Variants in B3GALT1 observed in about 807,000 individuals in gnomAD.
B3GALT1 encodes UDP-Gal:betaGlcNAc beta 1,3-galactosyltransferase, polypeptide 1.
B3GALT1 carries 10 observed loss-of-function variants against 23.2 expected under a neutral mutation model. The ratio of observed to expected loss-of-function variants is 0.43; its 90% confidence interval spans 0.27 to 0.73. The LOEUF (loss-of-function observed/expected upper bound fraction) is 0.73. B3GALT1 is among the 30% of genes least tolerant of loss of function. The pLI is 0.21. For synonymous variants in B3GALT1, 156 were observed against 141.5 expected, an observed-to-expected ratio of 1.10 and a Z score of -0.73; for missense variants, 299 against 405.4, an observed-to-expected ratio of 0.74 and a Z score of 2.25.
At chr2:167,798,800 G>T (rs376457172) in intron 3 of B3GALT1, among the ~76,000 whole-genome samples, 2 of 152,078 alleles carry the variant, frequency 1.3e-5, no homozygotes, top group African/African-American at 4.8e-5. Context: ...TTTTCAAGAG[G>T]CCATGAAGTA....
intron 3 of B3GALT1, among the ~76,000 whole-genome samples, chr2:167,805,333 T>G (rs986353432): frequency 9.2e-5 from 14 of 152,172 alleles, no homozygotes; most frequent in African/African-American, 2.4e-4. Flanking sequence ...TTAGTTTAAT[T>G]AGATCCCATT....
At chr2:167,632,896 C>T (rs1685475260) in intron 2 of B3GALT1, among the ~76,000 whole-genome samples, 1 of 151,900 alleles carries the variant, frequency 6.6e-6, no homozygotes, top group Non-Finnish European at 1.5e-5. Flanking sequence ...AATGGTATTG[C>T]CTAGGTTTTC....
At chr2:167,787,337 T>G (rs1181425874) in intron 3 of B3GALT1, among the ~76,000 whole-genome samples, 1 of 152,150 alleles carries the variant, frequency 6.6e-6, no homozygotes, top group Non-Finnish European at 1.5e-5. Context: ...TAAAACATGA[T>G]AGCTCCTTAG....
At chr2:167,349,364 G>A (rs1424588440) in intron 1 of B3GALT1, among the ~76,000 whole-genome samples, 4 of 152,106 alleles carry the variant, frequency 2.6e-5, no homozygotes, top group Non-Finnish European at 5.9e-5. Context: ...TTCAGTGCTT[G>A]TGTTTCAAGT....
Position 167,871,191 on chromosome 2 carries a change from G to A in B3GALT1, c.*1171G>A, listed in dbSNP as rs1471912636. 6.6e-6 allele frequency: 1 copy of A among 152,160 alleles called. No homozygotes were observed. Among genetic ancestry groups the A allele is most frequent in the Non-Finnish European group, 1.5e-5 (1 of 68,034 alleles). The allele number at this position is 152,160 out of a possible 1,614,324, so 9.4% of individuals were successfully genotyped here. A position where few individuals can be genotyped will look rare whatever the true frequency, so the allele number is the denominator to read the frequency against. ...CCACCATACTTATTGGGCCATATGA[G>A]TAGGCATCGTAATCTTGTGCTTCAA... On this transcript the variant is annotated 3_prime_UTR_variant, in exon 5 of 5. Transcript: ENST00000392690.
intron 1 of B3GALT1, among the ~76,000 whole-genome samples, chr2:167,457,149 TCA>T (rs774127328): frequency 8.5e-5 from 13 of 152,182 alleles, no homozygotes; most frequent in Non-Finnish European, 1.8e-4. Context: ...TTCTTGTTTA[TCA>T]CAGTCAGTTT....
chr2:167,841,645 TCTC>T (rs976618641), intron 4 of B3GALT1, among the ~76,000 whole-genome samples: 3 of 152,298 alleles, frequency 2.0e-5, no homozygotes, highest in African/African-American at 7.2e-5. Flanking sequence ...GCCTCCCCCT[TCTC>T]CTAAGAGAGT....
At chr2:167,645,652 C>T (rs1685736784) in intron 2 of B3GALT1, among the ~76,000 whole-genome samples, 1 of 150,124 alleles carries the variant, frequency 6.7e-6, no homozygotes, top group African/African-American at 2.5e-5. Context: ...ACTGCAACCT[C>T]TGCCTCCCAG....
At position 167,838,754 on chromosome 2, in the gene B3GALT1, T is replaced by C. The variant is rs554244916; in HGVS notation, c.-230+19961T>C. ...GAGAATTTTAGACCAATATCCTTGA[T>C]GAACATTGATGCAAAAATCCTCAAT... On this transcript the variant is annotated intron_variant, in intron 4 of 4. Transcript: ENST00000392690. Among the ~76,000 whole-genome samples, 3 of 152,396 alleles carry C rather than the reference T, an allele frequency of 2.0e-5. No homozygotes were observed. In the South Asian group the frequency reaches 6.2e-4, roughly 32 times the overall value.
At chr2:167,605,421 C>T (rs570634213) in intron 2 of B3GALT1, among the ~76,000 whole-genome samples, 2 of 152,256 alleles carry the variant, frequency 1.3e-5, no homozygotes, top group Non-Finnish European at 2.9e-5. Context: ...GCTTGGAGTG[C>T]CCATGGTGGC....
intron 4 of B3GALT1, among the ~76,000 whole-genome samples, chr2:167,867,740 G>T (rs1690262480): frequency 6.6e-6 from 1 of 152,054 alleles, no homozygotes; most frequent in Non-Finnish European, 1.5e-5. Flanking sequence ...TGCCTTCCAG[G>T]ACTACCACAT....
At chr2:167,425,773 T>C (rs1698613684) in intron 1 of B3GALT1, among the ~76,000 whole-genome samples, 1 of 152,330 alleles carries the variant, frequency 6.6e-6, no homozygotes, top group African/African-American at 2.4e-5. Context: ...ATCGACTTTG[T>C]ACATGACTTA....
At chr2:167,399,494 T>A (rs1175515416) in intron 1 of B3GALT1, among the ~76,000 whole-genome samples, 1 of 152,152 alleles carries the variant, frequency 6.6e-6, no homozygotes, top group African/African-American at 2.4e-5. Context: ...CTCTTCATTC[T>A]TTTTTCTTTT....
At chr2:167,587,221 A>G (rs1034900364) in intron 2 of B3GALT1, among the ~76,000 whole-genome samples, 15 of 152,144 alleles carry the variant, frequency 9.9e-5, no homozygotes, top group African/African-American at 3.1e-4. Flanking sequence ...ATATTTTACT[A>G]CTTGCCTAGG....
chr2:167,355,444 C>T (rs573052969), intron 1 of B3GALT1, among the ~76,000 whole-genome samples: 12 of 152,102 alleles, frequency 7.9e-5, no homozygotes, highest in Non-Finnish European at 1.8e-4. Context: ...TGATCAAAAC[C>T]GTCAAACTCA....
chr2:167,569,906 G>T (rs1316647982), intron 2 of B3GALT1, among the ~76,000 whole-genome samples: 1 of 151,814 alleles, frequency 6.6e-6, no homozygotes. Context: ...ATATTGATGT[G>T]TATTATGTCT....
chr2:167,709,910 C>G (rs1414006863), intron 3 of B3GALT1, among the ~76,000 whole-genome samples: 1 of 151,922 alleles, frequency 6.6e-6, no homozygotes, highest in African/African-American at 2.4e-5. Context: ...GTGAAAATCA[C>G]TTATCACAAC....
intron 1 of B3GALT1, among the ~76,000 whole-genome samples, chr2:167,400,514 A>C (rs1207296760): frequency 2.0e-5 from 3 of 151,924 alleles, no homozygotes; most frequent in Non-Finnish European, 4.4e-5. Context: ...CTGCTTTGCC[A>C]GCTGAATCTC....
At chr2:167,682,589 G>A (rs2105494005) in intron 3 of B3GALT1, among the ~76,000 whole-genome samples, 1 of 152,290 alleles carries the variant, frequency 6.6e-6, no homozygotes, top group African/African-American at 2.4e-5. Context: ...TTTTAAAAAT[G>A]CAAATTCTCA....
Sources: allele counts gnomAD v4.1 joint callset (sites outside exome capture counted in the v4.1 genomes callset), GRCh38; gene constraint gnomAD v4.1.1; transcripts MANE v1.5; gene names NCBI Gene and HGNC (gene_info 2026-07-23, HGNC 2026-07-21).